The following TMEM181 variants were observed in gnomAD, a reference collection of about 807,000 sequenced individuals.
The protein encoded by TMEM181 is transmembrane protein 181, also known as G protein-coupled receptor 178.
A neutral mutation model predicts 71.9 loss-of-function variants in TMEM181; 39 were observed. That is an observed-to-expected ratio of 0.54 (90% CI 0.42 to 0.71). TMEM181 has a LOEUF of 0.71. Among genes scored for constraint, TMEM181 ranks in the 30% least tolerant of loss-of-function variants. TMEM181 has a pLI of 0.00. For synonymous variants in TMEM181, 245 were observed against 228.8 expected (o/e 1.07, Z -0.64); for missense variants, 595 against 583.0 (o/e 1.02, Z -0.21).
chr6:158,631,266 C>T (rs1786649300), intron 15 of TMEM181, 57 bp from the exon 16 acceptor site: 2 of 1,577,192 alleles, frequency 1.3e-6, no homozygotes, highest in Middle Eastern at 3.3e-4. Flanking sequence ...AGCATCCTGC[C>T]TGTCCAGGCT....
At chr6:158,616,201 T>TCCCTTGTA (rs1375690481) in intron 10 of TMEM181, among the ~76,000 whole-genome samples, 1 of 152,194 alleles carries the variant, frequency 6.6e-6, no homozygotes, top group Non-Finnish European at 1.5e-5. Flanking sequence ...GTCCTTCACA[T>TCCCTTGTA]CCCTTGTAAG....
chr6:158,557,598 A>G (rs753303671), upstream of TMEM181, among the ~76,000 whole-genome samples: 4 of 151,864 alleles, frequency 2.6e-5, no homozygotes, highest in South Asian at 6.2e-4. Context: ...GCTCACTGCA[A>G]GCTCCACCCC....
intron 10 of TMEM181, among the ~76,000 whole-genome samples, chr6:158,613,205 T>A (rs903787989): frequency 1.3e-5 from 2 of 152,232 alleles, no homozygotes; most frequent in Admixed American, 1.3e-4. Flanking sequence ...TTGAAAAACA[T>A]CAGTCAAGAC....
rs546342304 is a variant in TMEM181, at chr6:158,634,835, T to C, written c.*2947T>C. The C allele has an allele frequency of 6.6e-6, 1 of 152,344 alleles. No homozygotes were observed. Among genetic ancestry groups the C allele is most frequent in the Non-Finnish European group, 1.5e-5 (1 of 68,032 alleles). The allele number at this position is 152,344 out of a possible 1,614,324, so 9.4% of individuals were successfully genotyped here. A position where few individuals can be genotyped will look rare whatever the true frequency, so the allele number is the denominator to read the frequency against. On this transcript the variant is annotated 3_prime_UTR_variant, in exon 17 of 17. Coordinates refer to ENST00000684151, the MANE Select transcript of TMEM181 (RefSeq NM_001376852.1). ...ATGAACTATTTACTGAGGGTAGTTA[T>C]GTTAAATAGATTATAATGTGGTAAA...
chr6:158,617,774 G>A (rs1256663277), intron 10 of TMEM181, among the ~76,000 whole-genome samples: 2 of 152,222 alleles, frequency 1.3e-5, no homozygotes, highest in Admixed American at 6.5e-5. Flanking sequence ...CAGTTCCCAT[G>A]TAGTTGTGAG....
In TMEM181 at chr6:158,630,648, C is replaced by T. The variant is rs558555652; in HGVS notation, c.1283-675C>T. On this transcript the variant is annotated intron_variant, in intron 15 of 16. Coordinates refer to ENST00000684151, the MANE Select transcript of TMEM181 (RefSeq NM_001376852.1). Reference sequence around the variant, plus strand: ...TGACTTCACGATATTTTCAACCTGACGATGGGTTTATCAGGACATAACCCC... The same window carrying T: ...TGACTTCACGATATTTTCAACCTGATGATGGGTTTATCAGGACATAACCCC... Among the ~76,000 whole-genome samples the T allele has an allele frequency of 1.5e-4, 23 of 151,528 alleles. 1 individual carries two copies. Among genetic ancestry groups the T allele is most frequent in the Admixed American group, 1.3e-3 (20 of 15,212 alleles).
chr6:158,543,251 G>C (rs1781417379), intron 1 of TMEM181, among the ~76,000 whole-genome samples: 1 of 152,198 alleles, frequency 6.6e-6, no homozygotes, highest in Non-Finnish European at 1.5e-5. Context: ...CTGGATAGCA[G>C]AGCAGGTATA....
chr6:158,598,479 G>A (rs1380391868), intron 6 of TMEM181, among the ~76,000 whole-genome samples: 1 of 152,004 alleles, frequency 6.6e-6, no homozygotes, highest in Non-Finnish European at 1.5e-5. Context: ...AGAGGAGTGC[G>A]CCTGGCCATA....
intron 1 of TMEM181, among the ~76,000 whole-genome samples, chr6:158,570,233 CTTTTT>C (rs542922209): frequency 7.3e-6 from 1 of 136,720 alleles, no homozygotes. Flanking sequence ...TTTCCGTACA[CTTTTT>C]TTTTTTTTTT....
chr6:158,571,220 C>T (rs548104836), intron 1 of TMEM181, among the ~76,000 whole-genome samples: 1 of 152,300 alleles, frequency 6.6e-6, no homozygotes, highest in Admixed American at 6.5e-5. Flanking sequence ...CCTCAGCCTC[C>T]CAAGTAGCTG....
At chr6:158,557,066 T>A (rs1245068490), upstream of TMEM181, among the ~76,000 whole-genome samples, 1 of 152,178 alleles carries the variant, frequency 6.6e-6, no homozygotes, top group African/African-American at 2.4e-5. Context: ...GACTCCATTT[T>A]AATTCTGACA....
intron 1 of TMEM181, among the ~76,000 whole-genome samples, chr6:158,562,111 A>G (rs1782213296): frequency 6.6e-6 from 1 of 151,768 alleles, no homozygotes; most frequent in African/African-American, 2.4e-5. Flanking sequence ...TGTGTAGGGG[A>G]CCGTCCCCCT....
chr6:158,585,529 G>T (rs1038032071), intron 5 of TMEM181, 104 bp downstream of exon 5: 3 of 1,292,694 alleles, frequency 2.3e-6, no homozygotes, highest in Admixed American at 6.6e-5. Flanking sequence ...GAGGCTTCGA[G>T]AAATTGTTCT....
chr6:158,623,449 A>G (rs1371110340), intron 10 of TMEM181, 101 bp from the exon 11 acceptor site: 7 of 731,194 alleles, frequency 9.6e-6, no homozygotes, highest in Admixed American at 6.5e-5. Context: ...GAAGTAGTTT[A>G]TATTAATAAG....
In TMEM181 at chr6:158,629,895, C is replaced by A. The variant is rs983152276; in HGVS notation, c.1282+76C>A. 6.4e-6 allele frequency: 8 copies of A among 1,244,792 alleles called. No individual in the cohort carries two copies. In the South Asian group the frequency reaches 9.6e-5, roughly 15 times the overall value. The allele number at this position is 1,244,792 out of a possible 1,614,324, so 77.1% of individuals were successfully genotyped here. On this transcript the variant is annotated intron_variant, in intron 15 of 16. Coordinates refer to ENST00000684151, the MANE Select transcript of TMEM181 (RefSeq NM_001376852.1). ...CTGTGTTCATCCACGACCCACTTCC[C>A]GGGTTTCCCATTCATGTGGGCGCTG...
At chr6:158,548,801 A>C (rs1464645964) in intron 1 of TMEM181, among the ~76,000 whole-genome samples, 3 of 152,242 alleles carry the variant, frequency 2.0e-5, no homozygotes, top group African/African-American at 7.2e-5. Context: ...CATAGGAGAC[A>C]ATGATGGAGA....
chr6:158,570,981 C>T (rs1209147937), intron 1 of TMEM181, among the ~76,000 whole-genome samples: 1 of 149,978 alleles, frequency 6.7e-6, no homozygotes. Context: ...GGTGTGATCT[C>T]GGCTCACTGC....
At chr6:158,609,674 TG>T in intron 10 of TMEM181, 1 of 231,036 alleles carries the variant, frequency 4.3e-6, no homozygotes, top group Non-Finnish European at 9.3e-6. Context: ...TGCCCTTTTC[TG>T]GGAGACTCCC....
rs201621705 is a variant in TMEM181 at position 158,628,504 on chromosome 6, T to C, written c.1192+14T>C. 1,964 of 1,612,296 alleles carry C rather than the reference T, an allele frequency of 1.2e-3. 48 individuals carry two copies. In the South Asian group the frequency reaches 0.019, roughly 16 times the overall value. On this transcript the variant is annotated intron_variant, in intron 14 of 16. Transcript: ENST00000684151. ...ACTACCAGAATTATATCCTTTTCAC[T>C]GGAGGGCCCTGGCTGCAGGACGCCT...
Sources: allele counts gnomAD v4.1 joint callset (sites outside exome capture counted in the v4.1 genomes callset), GRCh38; gene constraint gnomAD v4.1.1; transcripts MANE v1.5; gene names NCBI Gene and HGNC (gene_info 2026-07-23, HGNC 2026-07-21).